The following NRG4 variants were observed in gnomAD, a reference collection of about 807,000 sequenced individuals.
The protein encoded by NRG4 is pro-neuregulin-4, membrane-bound isoform.
A neutral mutation model predicts 15.0 loss-of-function variants in NRG4; 10 were observed. That is an observed-to-expected ratio of 0.67 (90% CI 0.41 to 1.13). NRG4 has a LOEUF of 1.13. NRG4 is among the 50% of genes most tolerant of loss of function. The pLI is 0.00. For missense variants in NRG4, 139 were observed against 140.2 expected, an observed-to-expected ratio of 0.99 and a Z score of 0.04; for synonymous variants, 41 against 50.1, an observed-to-expected ratio of 0.82 and a Z score of 0.77.
chr15:75,967,753 T>TGAA (rs2032885879), intron 3 of NRG4, among the ~76,000 whole-genome samples: 1 of 152,066 alleles, frequency 6.6e-6, no homozygotes, highest in Non-Finnish European at 1.5e-5. Context: ...TGAGCCAACG[T>TGAA]GCCTGGCCGC....
chr15:75,995,338 G>A (rs916509692), intron 3 of NRG4, among the ~76,000 whole-genome samples: 1 of 152,180 alleles, frequency 6.6e-6, no homozygotes, highest in Non-Finnish European at 1.5e-5. Flanking sequence ...AGGTGAGGGG[G>A]AGCCAGTGTA....
Position 75,995,015 on chromosome 15 carries a change from T to G in NRG4, c.104+14185A>C, listed in dbSNP as rs148390197. Among the ~76,000 whole-genome samples, 387 of 151,978 alleles carry G rather than the reference T, an allele frequency of 2.5e-3. 2 individuals are homozygous for G. The highest frequency in any genetic ancestry group is 7.0e-3 in the African/African-American group (290 of 41,450). On this transcript the variant is annotated intron_variant, in intron 3 of 5. Coordinates refer to ENST00000394907, the MANE Select transcript of NRG4 (RefSeq NM_138573.4). ...TCCAGTCTGGACAACATAGGAAGACTCTGTCTCTACAATAAATTTAAAAAT... is the reference window on the plus strand; with the variant it reads ...TCCAGTCTGGACAACATAGGAAGACGCTGTCTCTACAATAAATTTAAAAAT...
At chr15:76,057,132 G>C (rs1434552721) in intron 1 of NRG4, 1 of 151,934 alleles carries the variant, frequency 6.6e-6, no homozygotes, top group East Asian at 1.9e-4. Flanking sequence ...CCTCTCATTA[G>C]TCACCTGCAG....
intron 3 of NRG4, among the ~76,000 whole-genome samples, chr15:75,972,489 T>G (rs900281551): frequency 1.3e-5 from 2 of 152,230 alleles, no homozygotes; most frequent in Non-Finnish European, 2.9e-5. Context: ...CTTCTAGGGT[T>G]TTTATGGTTT....
chr15:75,975,572 T>G (rs1236165100), intron 3 of NRG4, among the ~76,000 whole-genome samples: 1 of 152,196 alleles, frequency 6.6e-6, no homozygotes, highest in African/African-American at 2.4e-5. Flanking sequence ...AGCATTTGCT[T>G]GTCTGTAAAG....
chr15:75,981,944 A>T (rs930569990), intron 3 of NRG4, among the ~76,000 whole-genome samples: 24 of 152,132 alleles, frequency 1.6e-4, no homozygotes, highest in African/African-American at 5.8e-4. Flanking sequence ...ATCACCCCCA[A>T]AGAAACAGAA....
At chr15:76,017,155 C>CTTTTTTTTTTTTTTTTTTTTT (rs66838505), upstream of NRG4, among the ~76,000 whole-genome samples, 2 of 52,320 alleles carry the variant, frequency 3.8e-5, no homozygotes, top group Admixed American at 2.6e-4. Context: ...CAACCCCTGC[C>CTTTTTTTTTTTTTTTTTTTTT]TTTTTTTTTT....
At chr15:76,027,006 T>C (rs2035335184) in intron 5 of NRG4, among the ~76,000 whole-genome samples, 2 of 151,846 alleles carry the variant, frequency 1.3e-5, no homozygotes, top group South Asian at 4.2e-4. Context: ...CCTGTAGTCC[T>C]AGCTACTCAG....
At chr15:76,008,645 G>T (rs1370189466) in intron 3 of NRG4, among the ~76,000 whole-genome samples, 1 of 152,054 alleles carries the variant, frequency 6.6e-6, no homozygotes, top group Non-Finnish European at 1.5e-5. Flanking sequence ...TGGGTCACTG[G>T]CTGTATCTAT....
chr15:75,958,337 A>G (rs2032348060), intron 4 of NRG4, among the ~76,000 whole-genome samples: 1 of 152,180 alleles, frequency 6.6e-6, no homozygotes, highest in African/African-American at 2.4e-5. Context: ...TTTGATACAT[A>G]TTAAACATAC....
At chr15:75,973,605 T>C (rs764534875) in intron 3 of NRG4, among the ~76,000 whole-genome samples, 1 of 152,224 alleles carries the variant, frequency 6.6e-6, no homozygotes, top group Non-Finnish European at 1.5e-5. Flanking sequence ...GAAGGCCTTT[T>C]CTGCATCTGT....
intron 5 of NRG4, among the ~76,000 whole-genome samples, chr15:75,953,521 T>C (rs1322268067): frequency 6.6e-6 from 1 of 152,230 alleles, no homozygotes; most frequent in Non-Finnish European, 1.5e-5. Context: ...AAAGATATTT[T>C]TGCTGGATGT....
chr15:75,958,198 G>A (rs189033402), intron 4 of NRG4, among the ~76,000 whole-genome samples: 1 of 152,112 alleles, frequency 6.6e-6, no homozygotes, highest in Non-Finnish European at 1.5e-5. Context: ...ATTTTTAGTA[G>A]AGACGGGGTT....
chr15:75,957,642 A>G (rs927487760), intron 4 of NRG4, among the ~76,000 whole-genome samples: 3 of 152,054 alleles, frequency 2.0e-5, no homozygotes, highest in Non-Finnish European at 4.4e-5. Context: ...GGTAACTTTC[A>G]TCAGTTCTGA....
At chr15:75,975,188 C>G (rs1225360862) in intron 3 of NRG4, among the ~76,000 whole-genome samples, 1 of 151,156 alleles carries the variant, frequency 6.6e-6, no homozygotes, top group South Asian at 2.1e-4. Context: ...TCTTTTTTTT[C>G]TTTCCATTTG....
intron 3 of NRG4, among the ~76,000 whole-genome samples, chr15:75,966,489 C>G (rs373905381): frequency 4.6e-5 from 7 of 151,970 alleles, no homozygotes; most frequent in African/African-American, 1.7e-4. Context: ...AGTGTGTTTA[C>G]AAGGAATAAA....
intron 5 of NRG4, among the ~76,000 whole-genome samples, chr15:75,953,153 C>G (rs551419303): frequency 8.5e-5 from 13 of 152,124 alleles, no homozygotes; most frequent in African/African-American, 3.1e-4. Context: ...ATGGTTTTAG[C>G]TCTTATATTT....
chr15:76,024,807 T>C (rs2035259489), intron 5 of NRG4, among the ~76,000 whole-genome samples: 1 of 152,158 alleles, frequency 6.6e-6, no homozygotes, highest in South Asian at 2.1e-4. Context: ...ATGGAGACTA[T>C]ACTACATGAT....
At chr15:75,998,968 A>C (rs2034307840) in intron 3 of NRG4, among the ~76,000 whole-genome samples, 1 of 152,202 alleles carries the variant, frequency 6.6e-6, no homozygotes, top group Non-Finnish European at 1.5e-5. Context: ...GGAGTGCCGC[A>C]AAAACTAGAC....
Sources: allele counts gnomAD v4.1 joint callset (sites outside exome capture counted in the v4.1 genomes callset), GRCh38; gene constraint gnomAD v4.1.1; transcripts MANE v1.5; gene names NCBI Gene and HGNC (gene_info 2026-07-23, HGNC 2026-07-21).